RABGAP1L: variants seen among roughly 807,000 people sequenced by gnomAD.
RABGAP1L encodes RAB GTPase activating protein 1 like, also known as rab GTPase-activating protein 1-like.
Under a neutral mutation model 137.7 loss-of-function variants are expected in RABGAP1L, and 63 were observed. The ratio of observed to expected loss-of-function variants is 0.46; its 90% CI spans 0.37 to 0.56. The LOEUF is 0.56. Ranked by LOEUF, RABGAP1L falls within the 20% of genes least tolerant of loss-of-function variation. RABGAP1L has a pLI of 0.00. For missense variants in RABGAP1L, 1,095 were observed against 1,244.0 expected (o/e 0.88, Z 1.80); for synonymous variants, 431 against 433.7 (o/e 0.99, Z 0.08).
intron 10 of RABGAP1L, among the ~76,000 whole-genome samples, chr1:174,289,893 C>T (rs934719871): frequency 6.6e-6 from 1 of 152,150 alleles, no homozygotes; most frequent in Admixed American, 6.5e-5. Context: ...TGGCTGGGCT[C>T]TACAGCTGGA....
rs1558297301 is a variant in RABGAP1L, at chr1:174,973,972, G to GTTTT, written c.2545-2103_2545-2100dup. ...GAACACTGAAATGAGCAGTACAATT[G>GTTTT]TTTTTTGTTTTTTTTTTTTTTTTTT... On this transcript the variant is annotated intron_variant, in intron 21 of 25. Transcript: ENST00000681986. Among the ~76,000 whole-genome samples, 70 of 94,218 alleles carry GTTTT rather than the reference G, an allele frequency of 7.4e-4. 4 individuals are homozygous for GTTTT. Among genetic ancestry groups the GTTTT allele is most frequent in the Middle Eastern group, 5.2e-3 (1 of 194 alleles). The allele number at this position is 94,218 out of a possible 152,430, so 61.8% of individuals were successfully genotyped here. A position where few individuals can be genotyped will look rare whatever the true frequency, so the allele number is the denominator to read the frequency against.
chr1:174,461,084 G>T (rs1656635774), intron 13 of RABGAP1L, among the ~76,000 whole-genome samples: 1 of 152,136 alleles, frequency 6.6e-6, no homozygotes, highest in South Asian at 2.1e-4. Context: ...CTTCAGCATT[G>T]TCTGTTTCAT....
At chr1:174,329,909 AAAAG>A (rs1680873864) in intron 11 of RABGAP1L, among the ~76,000 whole-genome samples, 1 of 150,856 alleles carries the variant, frequency 6.6e-6, no homozygotes, top group Admixed American at 6.6e-5. Context: ...TTTTTTTAAA[AAAAG>A]ACTGATTTGA....
chr1:174,217,031 A>AGTG (rs1669386251), intron 1 of RABGAP1L, among the ~76,000 whole-genome samples: 1 of 152,102 alleles, frequency 6.6e-6, no homozygotes, highest in Non-Finnish European at 1.5e-5. Flanking sequence ...TTTGGACTAG[A>AGTG]GTGGTAGTAG....
chr1:174,748,484 A>G (rs1684062212), intron 17 of RABGAP1L, among the ~76,000 whole-genome samples: 1 of 152,184 alleles, frequency 6.6e-6, no homozygotes. Flanking sequence ...GTTACAGACC[A>G]TGATCCATGA....
chr1:174,219,273 A>G lies in RABGAP1L; in HGVS notation c.116A>G (p.His39Arg). The G allele has an allele frequency of 6.3e-7, 1 of 1,575,520 alleles. No individual in the cohort carries two copies. Among genetic ancestry groups the G allele is most frequent in the Non-Finnish European group, 8.6e-7 (1 of 1,160,768 alleles). ...PQYADDNSTK[H>R]EEKPQLKIVS... ...TATGCAGATGATAATTCTACAAAACATGAAGAAAAACCTCAACTGAAGGTA... is the reference window on the plus strand; with the variant it reads ...TATGCAGATGATAATTCTACAAAACGTGAAGAAAAACCTCAACTGAAGGTA... Residue 39 changes from histidine (H) to arginine (R), a missense_variant, in exon 2 of 26, where the codon CAT (histidine) becomes CGT (arginine). His to Arg is a conservative substitution (Grantham distance 29, BLOSUM62 0). Coordinates refer to ENST00000681986, the MANE Select transcript of RABGAP1L (RefSeq NM_001366446.1).
intron 12 of RABGAP1L, among the ~76,000 whole-genome samples, chr1:174,372,577 C>T (rs1166637224): frequency 6.6e-6 from 1 of 152,092 alleles, no homozygotes; most frequent in African/African-American, 2.4e-5. Flanking sequence ...TCATTTAATT[C>T]TCTCTAGTTA....
chr1:174,939,143 T>C (rs540395104), intron 19 of RABGAP1L, among the ~76,000 whole-genome samples: 1 of 152,322 alleles, frequency 6.6e-6, no homozygotes, highest in East Asian at 1.9e-4. Flanking sequence ...TTTTCTGAAA[T>C]GAGAATTATC....
chr1:174,423,840 T>C (rs1039543680), intron 13 of RABGAP1L, among the ~76,000 whole-genome samples: 1 of 152,160 alleles, frequency 6.6e-6, no homozygotes, highest in African/African-American at 2.4e-5. Flanking sequence ...GTACAGAAGA[T>C]AGATTTAATG....
At position 174,182,382 on chromosome 1, in the gene RABGAP1L, G is replaced by A. The variant is rs538217686; in HGVS notation, c.-34+22725G>A. On this transcript the variant is annotated intron_variant, in intron 1 of 25. Transcript: ENST00000681986. ...TTCAAGCTTGTAAAATTTCTAAGTCGAAATGGTTCTTGTCTCTCCCACCCC... is the reference window on the plus strand; with the variant it reads ...TTCAAGCTTGTAAAATTTCTAAGTCAAAATGGTTCTTGTCTCTCCCACCCC... Among the ~76,000 whole-genome samples, 6 of 152,264 alleles carry A rather than the reference G, an allele frequency of 3.9e-5. No individual in the cohort carries two copies. The South Asian group carries it at 8.3e-4, about 21-fold the overall frequency.
intron 19 of RABGAP1L, among the ~76,000 whole-genome samples, chr1:174,822,620 TAGAC>T (rs1437022132): frequency 4.6e-5 from 7 of 152,308 alleles, no homozygotes; most frequent in East Asian, 3.9e-4. Flanking sequence ...TAGATTCTCA[TAGAC>T]AGAGCAGTCT....
intron 13 of RABGAP1L, among the ~76,000 whole-genome samples, chr1:174,620,635 G>A (rs527937016): frequency 6.6e-6 from 1 of 152,156 alleles, no homozygotes; most frequent in South Asian, 2.1e-4. Flanking sequence ...ATTCAAAGCA[G>A]TGTATAGAGG....
At chr1:174,708,358 G>A (rs991851329) in intron 17 of RABGAP1L, among the ~76,000 whole-genome samples, 2 of 152,172 alleles carry the variant, frequency 1.3e-5, no homozygotes, top group African/African-American at 2.4e-5. Context: ...CTGGCAAGAT[G>A]GCCAAATAGG....
At chr1:174,383,498 C>A (rs1042043214) in intron 12 of RABGAP1L, among the ~76,000 whole-genome samples, 4 of 152,146 alleles carry the variant, frequency 2.6e-5, no homozygotes, top group African/African-American at 9.7e-5. Context: ...CGTGGTGCGC[C>A]GTTTTTTAAG....
chr1:174,607,585 G>C (rs561710625), intron 13 of RABGAP1L, among the ~76,000 whole-genome samples: 1 of 152,154 alleles, frequency 6.6e-6, no homozygotes, highest in Admixed American at 6.5e-5. Context: ...TGTGCTCTCT[G>C]TGGCTCTCAA....
intron 20 of RABGAP1L, among the ~76,000 whole-genome samples, chr1:174,962,490 CAG>C (rs1192573865): frequency 2.0e-5 from 3 of 152,114 alleles, no homozygotes; most frequent in Admixed American, 6.5e-5. Context: ...TATGTTTCCA[CAG>C]AGTTTTTTCT....
intron 11 of RABGAP1L, among the ~76,000 whole-genome samples, chr1:174,366,281 T>C (rs1027363400): frequency 6.6e-6 from 1 of 152,166 alleles, no homozygotes; most frequent in Non-Finnish European, 1.5e-5. Flanking sequence ...AGTTTTGAGT[T>C]TTTCATCTCA....
At chr1:174,220,257 A>C (rs1669650370) in intron 2 of RABGAP1L, among the ~76,000 whole-genome samples, 1 of 152,212 alleles carries the variant, frequency 6.6e-6, no homozygotes, top group Non-Finnish European at 1.5e-5. Flanking sequence ...GCTAACAAGA[A>C]ATATAACCTT....
intron 1 of RABGAP1L, among the ~76,000 whole-genome samples, chr1:174,162,466 G>A (rs1557991047): frequency 6.6e-6 from 1 of 152,158 alleles, no homozygotes; most frequent in Non-Finnish European, 1.5e-5. Context: ...ACTTTGAAGA[G>A]AGTAGTGGCT....
Sources: gnomAD v4.1 joint callset for allele counts (sites outside exome capture counted in the v4.1 genomes callset) on GRCh38, gnomAD v4.1.1 for gene constraint, MANE v1.5 for transcripts, NCBI Gene and HGNC (gene_info 2026-07-23, HGNC 2026-07-21) for gene names.